The following XYLT1 variants were observed in gnomAD, a reference collection of about 807,000 sequenced individuals.
The protein encoded by XYLT1 is xylosyltransferase 1, also known as beta-D-xylosyltransferase 1.
A neutral mutation model predicts 91.3 loss-of-function variants in XYLT1; 36 were observed. That is an observed-to-expected ratio of 0.39 (90% CI 0.30 to 0.52). XYLT1 has a LOEUF of 0.52. Ranked by LOEUF, XYLT1 falls within the 20% of genes least tolerant of loss-of-function variation. The pLI is 0.68. For synonymous variants in XYLT1, 588 were observed against 532.0 expected (o/e 1.11, Z -1.45); for missense variants, 1,242 against 1,284.5 (o/e 0.97, Z 0.51).
intron 2 of XYLT1, among the ~76,000 whole-genome samples, chr16:17,339,444 A>G (rs1367813634): frequency 6.6e-6 from 1 of 152,178 alleles, no homozygotes; most frequent in African/African-American, 2.4e-5. Flanking sequence ...CATTACTTCA[A>G]AATTAGGGTA....
chr16:17,124,541 T>C (rs1401379653), intron 10 of XYLT1, among the ~76,000 whole-genome samples: 1 of 152,220 alleles, frequency 6.6e-6, no homozygotes, highest in Non-Finnish European at 1.5e-5. Context: ...TTAAGGTTAT[T>C]TCCTTTGTCT....
chr16:17,389,512 T>G (rs571821580), intron 1 of XYLT1, among the ~76,000 whole-genome samples: 1 of 152,210 alleles, frequency 6.6e-6, no homozygotes, highest in Non-Finnish European at 1.5e-5. Flanking sequence ...GGAGGTGTCT[T>G]GCAAATAAAT....
At chr16:17,205,717 G>C (rs1037957583) in intron 3 of XYLT1, among the ~76,000 whole-genome samples, 1 of 152,150 alleles carries the variant, frequency 6.6e-6, no homozygotes, top group Non-Finnish European at 1.5e-5. Context: ...GTGTACTCTA[G>C]AGCCTGCTGC....
chr16:17,219,937 A>C (rs990379036), intron 3 of XYLT1, among the ~76,000 whole-genome samples: 1 of 152,212 alleles, frequency 6.6e-6, no homozygotes, highest in Non-Finnish European at 1.5e-5. Context: ...AGGCTGAGGC[A>C]GGAGAATAAA....
intron 1 of XYLT1, among the ~76,000 whole-genome samples, chr16:17,384,845 A>C (rs35819724): frequency 0.31 from 47,547 of 151,746 alleles, 8,156 homozygotes; most frequent in Non-Finnish European, 0.39. Flanking sequence ...CCGGTATGTA[A>C]AGATACAGAT....
At chr16:17,333,590 TA>T (rs201076188) in intron 2 of XYLT1, among the ~76,000 whole-genome samples, 9,107 of 146,678 alleles carry the variant, frequency 0.062, 1,180 homozygotes, top group African/African-American at 0.22. Context: ...TAATTTAATT[TA>T]TTTTTTTTTT....
At chr16:17,294,921 AGAAT>A (rs565550737) in intron 2 of XYLT1, among the ~76,000 whole-genome samples, 101 of 152,336 alleles carry the variant, frequency 6.6e-4, no homozygotes, top group African/African-American at 2.3e-3. Flanking sequence ...GCATCTACGA[AGAAT>A]GGCAACAAAA....
rs568680100 is a variant in XYLT1, at chr16:17,117,881, C to T, written c.2322G>A (p.Lys774=). 1.9e-6 allele frequency: 3 copies of T among 1,614,112 alleles called. No individual in the cohort carries two copies. Among genetic ancestry groups the T allele is most frequent in the Admixed American group, 3.3e-5 (2 of 60,010 alleles). Residue 774 remains lysine, a synonymous_variant, in exon 11 of 12, where the codon AAG becomes AAA. Transcript: ENST00000261381. ...DEPVGMQKWG[K]GPNVTVTVIW... ...TGACGGTCACGGTCACATTAGGTCC[C>T]TTCCCCCACTTCTGCATACCCACCG...
At chr16:17,358,239 TCCTCCCACCTCAG>T (rs778107988) in intron 1 of XYLT1, among the ~76,000 whole-genome samples, 189 bp from the exon 2 acceptor site, 17 of 151,762 alleles carry the variant, frequency 1.1e-4, no homozygotes, top group South Asian at 8.3e-4. Flanking sequence ...GCTCAAGTGA[TCCTCCCACCTCAG>T]CCTCCCAAGT....
chr16:17,430,314 C>T (rs536232951), intron 1 of XYLT1, among the ~76,000 whole-genome samples: 1 of 152,242 alleles, frequency 6.6e-6, no homozygotes, highest in Non-Finnish European at 1.5e-5. Flanking sequence ...CTCACTGGAA[C>T]ATTTTGGATT....
chr16:17,341,267 T>C (rs1429908083), intron 2 of XYLT1, among the ~76,000 whole-genome samples: 1 of 152,102 alleles, frequency 6.6e-6, no homozygotes, highest in South Asian at 2.1e-4. Flanking sequence ...ATCAGTGAAA[T>C]AGATGATGAA....
At chr16:17,260,544 C>T (rs1173179032) in intron 2 of XYLT1, among the ~76,000 whole-genome samples, 1 of 152,122 alleles carries the variant, frequency 6.6e-6, no homozygotes, top group Admixed American at 6.5e-5. Flanking sequence ...CTGAAATATG[C>T]CTCTTACCAG....
intron 9 of XYLT1, among the ~76,000 whole-genome samples, chr16:17,128,213 C>T (rs1376287459): frequency 2.0e-5 from 3 of 152,170 alleles, no homozygotes; most frequent in East Asian, 3.9e-4. Context: ...GATTTCCCTT[C>T]GGCCTTATTT....
At chr16:17,462,846 C>A (rs2036840941) in intron 1 of XYLT1, among the ~76,000 whole-genome samples, 2 of 152,174 alleles carry the variant, frequency 1.3e-5, no homozygotes, top group African/African-American at 4.8e-5. Context: ...TAATAGTACA[C>A]AGCTTGAAGG....
chr16:17,146,711 G>GCTTATACCT (rs2031142670), intron 6 of XYLT1, among the ~76,000 whole-genome samples: 2 of 152,168 alleles, frequency 1.3e-5, no homozygotes, highest in Non-Finnish European at 2.9e-5. Flanking sequence ...TAATTCCCAA[G>GCTTATACCT]GTACTCTCCA....
At chr16:17,469,171 CGAA>C (rs2036942858) in intron 1 of XYLT1, among the ~76,000 whole-genome samples, 1 of 152,162 alleles carries the variant, frequency 6.6e-6, no homozygotes, top group South Asian at 2.1e-4. Context: ...GCACAGACTC[CGAA>C]GAAGTTTAGC....
Position 17,110,370 on chromosome 16 carries a change from G to A in XYLT1, c.2558-1353C>T, listed in dbSNP as rs143183724. ...GGGAGGGACCTGGTGGGAAGTAATT[G>A]AATCATGATGAGTTTTTGCCATGTT... On this transcript the variant is annotated intron_variant, in intron 11 of 11. Coordinates refer to ENST00000261381, the MANE Select transcript of XYLT1 (RefSeq NM_022166.4). Among the ~76,000 whole-genome samples, 24 of 152,270 alleles carry A rather than the reference G, an allele frequency of 1.6e-4. No individual in the cohort carries two copies. The East Asian group carries it at 4.6e-3, about 29-fold the overall frequency.
intron 2 of XYLT1, among the ~76,000 whole-genome samples, chr16:17,313,762 G>A (rs1246345808): frequency 6.6e-6 from 1 of 151,922 alleles, no homozygotes; most frequent in Non-Finnish European, 1.5e-5. Context: ...AGCGACTGTG[G>A]TTAGGACCCA....
At chr16:17,169,689 C>T (rs1429818209) in intron 5 of XYLT1, among the ~76,000 whole-genome samples, 1 of 151,936 alleles carries the variant, frequency 6.6e-6, no homozygotes, top group East Asian at 1.9e-4. Context: ...GGGTGGGGAT[C>T]GTGTGTGTGC....
Sources: allele counts gnomAD v4.1 joint callset (sites outside exome capture counted in the v4.1 genomes callset), GRCh38; gene constraint gnomAD v4.1.1; transcripts MANE v1.5; gene names NCBI Gene and HGNC (gene_info 2026-07-23, HGNC 2026-07-21).